The following PHF21B variants were observed in gnomAD, a reference collection of about 807,000 sequenced individuals.
The protein encoded by PHF21B is PHD finger protein 4.
PHF21B carries 22 observed loss-of-function variants against 62.2 expected under a neutral mutation model. The observed-to-expected ratio is 0.35, with a 90% CI of 0.25 to 0.51. The LOEUF (loss-of-function observed/expected upper bound fraction) is 0.51. Ranked by LOEUF, PHF21B falls within the 20% of genes least tolerant of loss-of-function variation. The pLI is 0.97. For synonymous variants in PHF21B, 341 were observed against 314.7 expected (o/e 1.08, Z -0.88); for missense variants, 701 against 707.9 (o/e 0.99, Z 0.11).
At chr22:44,935,977 G>A (rs1484363101) in intron 2 of PHF21B, among the ~76,000 whole-genome samples, 6 of 152,210 alleles carry the variant, frequency 3.9e-5, no homozygotes, top group Non-Finnish European at 7.3e-5. Context: ...ACCACATTCT[G>A]TTCTCTCTGC....
At chr22:44,886,484 C>G (rs1394692964) in intron 10 of PHF21B, among the ~76,000 whole-genome samples, 1 of 148,752 alleles carries the variant, frequency 6.7e-6, no homozygotes, top group Admixed American at 6.7e-5. Context: ...CCCAGGAGTT[C>G]GAGATCAGCC....
chr22:44,952,346 A>G (rs985908618), intron 2 of PHF21B, among the ~76,000 whole-genome samples: 2 of 152,248 alleles, frequency 1.3e-5, no homozygotes, highest in African/African-American at 4.8e-5. Flanking sequence ...TTTGTCTCAA[A>G]AAAGAAAATA....
chr22:44,985,335 A>G (rs183954789), intron 2 of PHF21B, among the ~76,000 whole-genome samples: 107 of 152,340 alleles, frequency 7.0e-4, no homozygotes, highest in African/African-American at 2.5e-3. Context: ...TGCAACTCAC[A>G]GGGTCTGATT....
At chr22:44,972,332 G>A (rs953001198) in intron 2 of PHF21B, among the ~76,000 whole-genome samples, 4 of 152,220 alleles carry the variant, frequency 2.6e-5, no homozygotes, top group Admixed American at 6.5e-5. Context: ...TATCATGAGT[G>A]ACGGATTTGG....
chr22:44,895,942 C>T (rs2071049104), intron 6 of PHF21B, 90 bp downstream of exon 6: 3 of 1,434,414 alleles, frequency 2.1e-6, no homozygotes, highest in African/African-American at 1.4e-5. Context: ...CTGCTGAAGC[C>T]CAGACCACCC....
At chr22:44,905,231 T>C (rs6007377) in intron 5 of PHF21B, among the ~76,000 whole-genome samples, 6,433 of 152,292 alleles carry the variant, frequency 0.042, 404 homozygotes, top group African/African-American at 0.14. Flanking sequence ...CCTGCTCCTA[T>C]TTTTTCTTTT....
At chr22:44,993,436 A>C (rs1372094733) in intron 2 of PHF21B, among the ~76,000 whole-genome samples, 1 of 152,018 alleles carries the variant, frequency 6.6e-6, no homozygotes, top group African/African-American at 2.4e-5. Flanking sequence ...CCATCCTCCC[A>C]CCCGCCAGGG....
At chr22:44,926,730 A>T (rs573184781) in intron 2 of PHF21B, among the ~76,000 whole-genome samples, 112 of 152,170 alleles carry the variant, frequency 7.4e-4, no homozygotes, top group Middle Eastern at 6.8e-3. Flanking sequence ...GGCCATGGGT[A>T]GCTGTGTGTT....
At chr22:44,990,739 G>C (rs2073029822) in intron 2 of PHF21B, among the ~76,000 whole-genome samples, 1 of 152,246 alleles carries the variant, frequency 6.6e-6, no homozygotes, top group Admixed American at 6.5e-5. Flanking sequence ...AGGACATCTG[G>C]AGATGGATGG....
chr22:44,904,137 C>T (rs966559341), intron 5 of PHF21B, among the ~76,000 whole-genome samples: 5 of 152,128 alleles, frequency 3.3e-5, no homozygotes, highest in African/African-American at 9.7e-5. Context: ...TAACTATACA[C>T]TTTTCTAATA....
intron 2 of PHF21B, 39 bp downstream of exon 2, chr22:45,008,506 C>T (rs1184670517): frequency 6.6e-7 from 1 of 1,514,224 alleles, no homozygotes. Context: ...AGCCACCCTC[C>T]CGCCCCATCC....
intron 2 of PHF21B, among the ~76,000 whole-genome samples, chr22:44,923,827 G>A (rs2071581166): frequency 1.3e-5 from 2 of 151,758 alleles, no homozygotes; most frequent in South Asian, 4.2e-4. Flanking sequence ...AAACCAGCCT[G>A]TGCAATATAG....
At chr22:44,902,079 C>A (rs1318528851) in intron 5 of PHF21B, 1 of 216,876 alleles carries the variant, frequency 4.6e-6, no homozygotes, top group East Asian at 1.3e-4. Flanking sequence ...AAGAGCTGGG[C>A]AGTGGCTGTT....
At chr22:44,895,445 C>T (rs2071039290) in intron 6 of PHF21B, among the ~76,000 whole-genome samples, 1 of 152,182 alleles carries the variant, frequency 6.6e-6, no homozygotes, top group African/African-American at 2.4e-5. Context: ...ACTACTGTTC[C>T]AATTTTCACG....
intron 2 of PHF21B, among the ~76,000 whole-genome samples, chr22:44,989,991 T>TCTTCATAAAGTGCACGCC (rs1276830511): frequency 1.3e-5 from 2 of 152,194 alleles, no homozygotes; most frequent in Non-Finnish European, 2.9e-5. Flanking sequence ...ACAGGCACGC[T>TCTTCATAAAGTGCACGCC]CTTCATAAAG....
chr22:44,929,885 C>T (rs1243297838), intron 2 of PHF21B, among the ~76,000 whole-genome samples: 2 of 152,104 alleles, frequency 1.3e-5, no homozygotes, highest in Non-Finnish European at 2.9e-5. Flanking sequence ...GGGGAGGCGA[C>T]AGGTCGAAGA....
intron 2 of PHF21B, among the ~76,000 whole-genome samples, chr22:44,987,173 CAG>C (rs1226186601): frequency 3.3e-5 from 5 of 152,096 alleles, no homozygotes; most frequent in Non-Finnish European, 7.4e-5. Flanking sequence ...AGAGACCAGT[CAG>C]GGGGCTGCTG....
At chr22:44,969,943 C>G (rs746415408) in intron 2 of PHF21B, among the ~76,000 whole-genome samples, 2 of 152,356 alleles carry the variant, frequency 1.3e-5, no homozygotes, top group African/African-American at 2.4e-5. Flanking sequence ...TCCATGCGCT[C>G]TGGACAACCT....
chr22:44,953,084 T>C (rs2072225500), intron 2 of PHF21B, among the ~76,000 whole-genome samples: 1 of 152,190 alleles, frequency 6.6e-6, no homozygotes, highest in African/African-American at 2.4e-5. Flanking sequence ...GCTTCAGTCC[T>C]GAGCAGCCCC....
Sources: allele counts gnomAD v4.1 joint callset (sites outside exome capture counted in the v4.1 genomes callset), GRCh38; gene constraint gnomAD v4.1.1; transcripts MANE v1.5; gene names NCBI Gene and HGNC (gene_info 2026-07-23, HGNC 2026-07-21).